The following EFCAB8 variants were observed in gnomAD, a reference collection of about 807,000 sequenced individuals.
EFCAB8 encodes the protein EF-hand calcium binding domain 8, also known as EF-hand calcium-binding domain-containing protein 8.
In EFCAB8, 100 loss-of-function variants were observed where a neutral mutation model predicts 116.3. The observed-to-expected ratio is 0.86, with a 90% CI of 0.73 to 1.02. The LOEUF (loss-of-function observed/expected upper bound fraction) is 1.02, where lower values mean the gene tolerates loss of function less well. EFCAB8 is among the 50% of genes least tolerant of loss of function. The pLI is 0.00. For missense variants in EFCAB8, 1,320 were observed against 1,416.9 expected (o/e 0.93, Z 1.10); for synonymous variants, 558 against 567.9 (o/e 0.98, Z 0.25).
intron 11 of EFCAB8, among the ~76,000 whole-genome samples, chr20:32,900,656 T>C (rs1986380689): frequency 6.6e-6 from 1 of 152,242 alleles, no homozygotes; most frequent in Non-Finnish European, 1.5e-5. Context: ...AACCTCCGCC[T>C]CTCGGGTTCA....
At position 32,960,129 on chromosome 20, in the gene EFCAB8, A is replaced by G. The variant is rs751840769; in HGVS notation, c.3361A>G (p.Thr1121Ala). ...ERLQNTRFLS[T>A]RVPYGWMKHQ... The stretch of plus-strand genomic sequence containing the variant: ...CTTGCAGAATACCAGGTTCCTGTCC[A>G]CCAGGGTGCCATATGGCTGGATGAA... Residue 1121 changes from threonine to alanine, a missense_variant, in exon 26 of 27, where the codon ACC becomes GCC. Thr to Ala is a moderately conservative substitution (Grantham distance 58). Transcript: ENST00000400522. 44 of 1,551,708 alleles carry G rather than the reference A, an allele frequency of 2.8e-5. 1 individual carries two copies. In the South Asian group the frequency reaches 3.3e-4, roughly 12 times the overall value.
chr20:32,911,880 G>A (rs1472464107), intron 16 of EFCAB8, among the ~76,000 whole-genome samples, 173 bp downstream of exon 16: 2 of 152,212 alleles, frequency 1.3e-5, no homozygotes, highest in Non-Finnish European at 2.9e-5. Flanking sequence ...ATGAAATGAA[G>A]ACAGGTAACA....
chr20:32,925,123 A>G (rs1172309741), intron 20 of EFCAB8, among the ~76,000 whole-genome samples: 1 of 152,320 alleles, frequency 6.6e-6, no homozygotes, highest in East Asian at 1.9e-4. Context: ...TGGCCATCCC[A>G]GAAGACTGTG....
At chr20:32,885,220 T>C (rs1985552243) in intron 5 of EFCAB8, among the ~76,000 whole-genome samples, 1 of 152,222 alleles carries the variant, frequency 6.6e-6, no homozygotes, top group South Asian at 2.1e-4. Flanking sequence ...GCGAGGAGGC[T>C]GGCTGGCTAC....
At chr20:32,910,919 G>A (rs1417050858) in intron 15 of EFCAB8, among the ~76,000 whole-genome samples, 1 of 151,886 alleles carries the variant, frequency 6.6e-6, no homozygotes, top group Non-Finnish European at 1.5e-5. Flanking sequence ...TGTATTTTTA[G>A]TAGAGACAGG....
chr20:32,878,551 C>T (rs1048337711), intron 4 of EFCAB8, among the ~76,000 whole-genome samples, 153 bp from the exon 5 acceptor site: 2 of 146,066 alleles, frequency 1.4e-5, no homozygotes, highest in African/African-American at 5.0e-5. Flanking sequence ...CGCTCTGTCG[C>T]CCAGGTCGGA....
intron 10 of EFCAB8, among the ~76,000 whole-genome samples, chr20:32,897,091 C>T (rs575978581): frequency 4.5e-4 from 68 of 152,272 alleles, no homozygotes; most frequent in Middle Eastern, 3.4e-3. Context: ...GCATGTGCTG[C>T]GCCTTCAGGC....
At chr20:32,887,384 T>G (rs914559607) in intron 6 of EFCAB8, among the ~76,000 whole-genome samples, 1 of 152,186 alleles carries the variant, frequency 6.6e-6, no homozygotes, top group East Asian at 1.9e-4. Context: ...GAGACCAGAC[T>G]GGCCACCATG....
chr20:32,860,469 T>A (rs113425978), intron 1 of EFCAB8, among the ~76,000 whole-genome samples: 1,754 of 151,730 alleles, frequency 0.012, 35 homozygotes, highest in African/African-American at 0.04. Flanking sequence ...GGATGTCATT[T>A]TGTTCCATCG....
intron 15 of EFCAB8, among the ~76,000 whole-genome samples, chr20:32,911,199 C>CT (rs1413005251): frequency 1.3e-5 from 2 of 152,144 alleles, no homozygotes; most frequent in Non-Finnish European, 2.9e-5. Context: ...TCAGTAATGT[C>CT]TTTTCCATAT....
chr20:32,931,401 A>G (rs936732052), intron 22 of EFCAB8, 65 bp downstream of exon 22: 33 of 1,439,004 alleles, frequency 2.3e-5, no homozygotes, highest in African/African-American at 8.6e-5. Context: ...AGCTAGGACC[A>G]TAAACTAACT....
chr20:32,928,005 C>G (rs1987739375), intron 20 of EFCAB8, among the ~76,000 whole-genome samples: 1 of 152,130 alleles, frequency 6.6e-6, no homozygotes, highest in South Asian at 2.1e-4. Flanking sequence ...TCCCTCCAAA[C>G]CCTGGAAACC....
At chr20:32,889,633 T>C (rs1985813419) in intron 7 of EFCAB8, among the ~76,000 whole-genome samples, 1 of 152,166 alleles carries the variant, frequency 6.6e-6, no homozygotes, top group Non-Finnish European at 1.5e-5. Flanking sequence ...GAGGCCATAC[T>C]GGTCCATCTC....
chr20:32,908,407 T>G lies in EFCAB8; in HGVS notation c.1441T>G (p.Tyr481Asp). The change falls in exon 14 of 27, where the codon TAC becomes GAC. Residue 481 changes from tyrosine to aspartate, a missense_variant. By Grantham distance (160) the Tyr-to-Asp change is radical. Coordinates refer to ENST00000400522, the MANE Select transcript of EFCAB8 (RefSeq NM_001143967.2). ...GGACAATACCCTCATCTGCAGCACCTACTCAGTGAGTGCTGTCCCAGGAGG... is the reference window on the plus strand; with the variant it reads ...GGACAATACCCTCATCTGCAGCACCGACTCAGTGAGTGCTGTCCCAGGAGG... ...EKDNTLICST[Y>D]SIGILKGYLE... is the part of the protein sequence containing the mutation. The G allele has an allele frequency of 8.0e-7, 1 of 1,249,930 alleles. No individual in the cohort carries two copies. The highest frequency in any genetic ancestry group is 1.0e-6 in the Non-Finnish European group (1 of 988,248). 77.4% of individuals were successfully genotyped at this position (1,249,930 alleles called of 1,614,324 possible). A position where few individuals can be genotyped will look rare whatever the true frequency, so the allele number is the denominator to read the frequency against.
intron 5 of EFCAB8, among the ~76,000 whole-genome samples, chr20:32,879,982 T>C (rs543188294): frequency 2.9e-4 from 44 of 152,332 alleles, no homozygotes; most frequent in African/African-American, 1.1e-3. Flanking sequence ...GCAGGGGCTC[T>C]GACCTGCTGG....
intron 1 of EFCAB8, 61 bp downstream of exon 1, chr20:32,859,067 C>T: frequency 2.1e-6 from 1 of 470,720 alleles, no homozygotes; most frequent in Non-Finnish European, 4.4e-6. Flanking sequence ...TGCTGAAGAC[C>T]TCTGCCTGAC....
rs71190881 is a variant in EFCAB8 at position 32,860,493 on chromosome 20, C to CTTTTTTTTT, written c.-11+1510_-11+1518dup. On this transcript the variant is annotated intron_variant, in intron 1 of 26. Coordinates refer to ENST00000400522, the MANE Select transcript of EFCAB8 (RefSeq NM_001143967.2). ...TTTGTTCCATCGCTGATGGTGGTAA[C>CTTTTTTTTT]TTTTTTTTTTTTTTTTTTTTTTTTT... 3.5e-4 allele frequency among the ~76,000 whole-genome samples: 29 copies of CTTTTTTTTT among 83,988 alleles called. 4 individuals carry two copies. Among genetic ancestry groups the CTTTTTTTTT allele is most frequent in the African/African-American group, 1.8e-3 (23 of 12,796 alleles). 55.1% of individuals were successfully genotyped at this position (83,988 alleles called of 152,430 possible).
intron 3 of EFCAB8, among the ~76,000 whole-genome samples, 189 bp from the exon 4 acceptor site, chr20:32,875,737 G>C (rs1416559653): frequency 6.6e-6 from 1 of 151,786 alleles, no homozygotes; most frequent in African/African-American, 2.4e-5. Flanking sequence ...TTGAACTCCT[G>C]ACCTCAAGTG....
rs1212415118 is a variant in EFCAB8 at position 32,907,003 on chromosome 20, C to G, written c.1308+9C>G. 2.7e-6 allele frequency: 4 copies of G among 1,495,338 alleles called. No homozygotes were observed. Among genetic ancestry groups the G allele is most frequent in the Middle Eastern group, 1.7e-4 (1 of 5,726 alleles). 92.6% of individuals were successfully genotyped at this position (1,495,338 alleles called of 1,614,324 possible). A position where few individuals can be genotyped will look rare whatever the true frequency, so the allele number is the denominator to read the frequency against. On this transcript the variant is annotated intron_variant, in intron 13 of 26. Transcript: ENST00000400522. ...GTGTCTCCAAGGACAAGGTCCGCCC[C>G]GACGGTCCGCCTGACTCCTTCTGTT...
Sources: allele counts gnomAD v4.1 joint callset (sites outside exome capture counted in the v4.1 genomes callset), GRCh38; gene constraint gnomAD v4.1.1; transcripts MANE v1.5; gene names NCBI Gene and HGNC (gene_info 2026-07-23, HGNC 2026-07-21).